TNKS2: variants seen among roughly 807,000 people sequenced by gnomAD.
TNKS2 encodes tankyrase 2, also known as poly [ADP-ribose] polymerase tankyrase-2.
In TNKS2, 72 loss-of-function variants were observed where a neutral mutation model predicts 137.6. The observed-to-expected ratio is 0.52, with a 90% confidence interval of 0.43 to 0.64. The LOEUF is 0.64. Among genes scored for constraint, TNKS2 ranks in the 30% least tolerant of loss-of-function variants. The pLI, the probability that TNKS2 is intolerant of heterozygous loss-of-function variation, is 0.00. For missense variants in TNKS2, 1,049 were observed against 1,410.2 expected (o/e 0.74, Z 4.10); for synonymous variants, 516 against 512.1 (o/e 1.01, Z -0.10).
chr10:91,858,642 A>C (rs1367152662), intron 24 of TNKS2, among the ~76,000 whole-genome samples: 1 of 152,192 alleles, frequency 6.6e-6, no homozygotes. Context: ...TTGCAGATAG[A>C]ATCTTGTATC....
chr10:91,838,087 T>G (rs898770568), intron 13 of TNKS2, among the ~76,000 whole-genome samples: 1 of 132,194 alleles, frequency 7.6e-6, no homozygotes, highest in Non-Finnish European at 1.5e-5. Flanking sequence ...AAGGGAGAGA[T>G]ACAGAATTGT....
intron 7 of TNKS2, 67 bp downstream of exon 7, chr10:91,822,429 A>G (rs1844920175): frequency 1.6e-6 from 2 of 1,279,802 alleles, no homozygotes; most frequent in East Asian, 4.6e-5. Flanking sequence ...ATACATTAGT[A>G]TGTCTGGGTT....
Position 91,827,084 on chromosome 10 carries a change from A to G in TNKS2, c.863A>G (p.Asn288Ser). The G allele has an allele frequency of 1.2e-6, 2 of 1,609,132 alleles. No homozygotes were observed. Among genetic ancestry groups the G allele is most frequent in the Non-Finnish European group, 1.7e-6 (2 of 1,177,608 alleles). The change falls in exon 8 of 27, where the codon AAC becomes AGC. Residue 288 changes from asparagine to serine, a missense_variant. Physicochemically the swap from Asn to Ser is conservative, Grantham distance 46. Coordinates refer to ENST00000371627, the MANE Select transcript of TNKS2 (RefSeq NM_025235.4). ...CCTCTTCATGAGGCAGCTTCTAAGAACAGGGTTGAAGTATGTTCTCTTCTC... is the reference window on the plus strand; with the variant it reads ...CCTCTTCATGAGGCAGCTTCTAAGAGCAGGGTTGAAGTATGTTCTCTTCTC... The part of the protein sequence containing the change: ...FTPLHEAASK[N>S]RVEVCSLLLS...
At chr10:91,861,778 G>A (rs1842858467) in intron 25 of TNKS2, among the ~76,000 whole-genome samples, 1 of 152,034 alleles carries the variant, frequency 6.6e-6, no homozygotes, top group South Asian at 2.1e-4. Flanking sequence ...ACATTTTTCA[G>A]ATTTTATAGT....
In TNKS2 at chr10:91,863,059, C is replaced by G; in HGVS notation, c.*60C>G. ...AAAATCATCAAAGCAGCAGTGGCCTCTACGTTTTACTCCTTTGCTGAAAAA... is the reference window on the plus strand; with the variant it reads ...AAAATCATCAAAGCAGCAGTGGCCTGTACGTTTTACTCCTTTGCTGAAAAA... On this transcript the variant is annotated 3_prime_UTR_variant, in exon 27 of 27. Coordinates refer to ENST00000371627, the MANE Select transcript of TNKS2 (RefSeq NM_025235.4). 1 of 1,198,360 alleles carries G rather than the reference C, an allele frequency of 8.3e-7. No individual in the cohort carries two copies. The highest frequency in any genetic ancestry group is 1.2e-6 in the Non-Finnish European group (1 of 819,922). The allele number at this position is 1,198,360 out of a possible 1,614,324, so 74.2% of individuals were successfully genotyped here. A position where few individuals can be genotyped will look rare whatever the true frequency, so the allele number is the denominator to read the frequency against.
At chr10:91,861,851 TAAA>T (rs1842861014) in intron 25 of TNKS2, 145 bp from the exon 26 acceptor site, 4 of 636,444 alleles carry the variant, frequency 6.3e-6, no homozygotes, top group East Asian at 6.1e-5. Flanking sequence ...AAGACATTCT[TAAA>T]AAGTTCTTTT....
intron 13 of TNKS2, among the ~76,000 whole-genome samples, chr10:91,838,829 A>G (rs1842116944): frequency 6.6e-6 from 1 of 152,174 alleles, no homozygotes; most frequent in African/African-American, 2.4e-5. Context: ...GTTAGTAAAA[A>G]GGGGGAAAGA....
chr10:91,824,543 C>T (rs1845005042), intron 7 of TNKS2, among the ~76,000 whole-genome samples: 1 of 152,172 alleles, frequency 6.6e-6, no homozygotes, highest in Admixed American at 6.5e-5. Context: ...AACCACTGTG[C>T]AGAGTGTTGA....
At position 91,820,402 on chromosome 10, in the gene TNKS2, C is replaced by T. The variant is rs148246589; in HGVS notation, c.728+369C>T. On this transcript the variant is annotated intron_variant, in intron 6 of 26. Coordinates refer to ENST00000371627, the MANE Select transcript of TNKS2 (RefSeq NM_025235.4). ...TGTGACTTGACCTGGACTGTAAAGT[C>T]AAGTCTCAATTCAAGAAAGCAGAGT... is the stretch of plus-strand genomic sequence containing the variant. 2.1e-3 allele frequency among the ~76,000 whole-genome samples: 326 copies of T among 152,248 alleles called. 1 individual carries two copies. Among genetic ancestry groups the T allele is most frequent in the Admixed American group, 5.4e-3 (82 of 15,304 alleles).
intron 21 of TNKS2, among the ~76,000 whole-genome samples, chr10:91,852,267 A>G (rs1251952446): frequency 6.8e-6 from 1 of 147,568 alleles, no homozygotes; most frequent in Admixed American, 6.8e-5. Context: ...TAAAAAGGTT[A>G]ATTGTTTTGG....
At chr10:91,828,476 CT>C in intron 9 of TNKS2, 70 bp downstream of exon 9, 1 of 1,333,378 alleles carries the variant, frequency 7.5e-7, no homozygotes, top group South Asian at 1.9e-5. Flanking sequence ...TAATATCCTA[CT>C]TTTAGAACTA....
chr10:91,828,424 A>G lies in TNKS2; in HGVS notation c.1104+18A>G. 1 of 1,542,680 alleles carries G rather than the reference A, an allele frequency of 6.5e-7. No individual in the cohort carries two copies. The highest frequency in any genetic ancestry group is 1.4e-5 in the African/African-American group (1 of 71,136). ...CAGCATTGGTAATGTTTCAGATTTA[A>G]GTTTTTAAAATACAATAACGAAGAA... On this transcript the variant is annotated intron_variant, in intron 9 of 26. Transcript: ENST00000371627.
At position 91,844,871 on chromosome 10, in the gene TNKS2, T is replaced by TA. The variant is rs574715879; in HGVS notation, c.2060-42dup. On this transcript the variant is annotated intron_variant, in intron 16 of 26. Transcript: ENST00000371627. ...AAGTGGAAGTATTATGACATAGGAC[T>TA]AAAAAAGAAAAAACAAGTAAAGTAA... 6 of 1,355,524 alleles carry TA rather than the reference T, an allele frequency of 4.4e-6. No individual in the cohort carries two copies. In the East Asian group the frequency reaches 1.2e-4, roughly 28 times the overall value. 84.0% of individuals were successfully genotyped at this position (1,355,524 alleles called of 1,614,324 possible).
chr10:91,830,177 A>G (rs1229000553), intron 9 of TNKS2, among the ~76,000 whole-genome samples: 1 of 152,252 alleles, frequency 6.6e-6, no homozygotes, highest in East Asian at 1.9e-4. Context: ...TATCAGTGCT[A>G]TTACCAAACA....
At chr10:91,813,963 A>G (rs140220079) in intron 2 of TNKS2, among the ~76,000 whole-genome samples, 1 of 152,336 alleles carries the variant, frequency 6.6e-6, no homozygotes, top group East Asian at 1.9e-4. Context: ...GATACTTGAT[A>G]ATAACCAACT....
intron 1 of TNKS2, among the ~76,000 whole-genome samples, chr10:91,801,342 T>C (rs889680626): frequency 1.3e-5 from 2 of 152,332 alleles, no homozygotes; most frequent in Admixed American, 1.3e-4. Flanking sequence ...CTGAACTAGA[T>C]TGCATACTTT....
intron 1 of TNKS2, among the ~76,000 whole-genome samples, chr10:91,801,640 A>G (rs1844174704): frequency 6.6e-6 from 1 of 151,074 alleles, no homozygotes; most frequent in African/African-American, 2.4e-5. Flanking sequence ...CGCCCGGCAA[A>G]TTTTTGTATT....
intron 25 of TNKS2, among the ~76,000 whole-genome samples, chr10:91,861,230 A>G (rs1842841656): frequency 6.6e-6 from 1 of 152,150 alleles, no homozygotes; most frequent in Non-Finnish European, 1.5e-5. Flanking sequence ...AAAATAGATA[A>G]CATTCCAATG....
In TNKS2 at chr10:91,839,626, C is replaced by A. The variant is rs539044020; in HGVS notation, c.1528-935C>A. Among the ~76,000 whole-genome samples the A allele has an allele frequency of 7.2e-5, 11 of 152,308 alleles. No individual in the cohort carries two copies. The South Asian group carries it at 2.1e-3, about 29-fold the overall frequency. ...GCATTCTATTAGTTATTTCATTCCA[C>A]ATGGAGTGGTATGGTTACTGAACCA... is the stretch of plus-strand genomic sequence containing the variant. On this transcript the variant is annotated intron_variant, in intron 13 of 26. Transcript: ENST00000371627.
Sources: allele counts gnomAD v4.1 joint callset (sites outside exome capture counted in the v4.1 genomes callset), GRCh38; gene constraint gnomAD v4.1.1; transcripts MANE v1.5; gene names NCBI Gene and HGNC (gene_info 2026-07-23, HGNC 2026-07-21).